The following PPP1R14C variants were observed in gnomAD, a reference collection of about 807,000 sequenced individuals.
The protein encoded by PPP1R14C is protein phosphatase 1 regulatory inhibitor subunit 14C, also known as protein phosphatase 1 regulatory subunit 14C.
Under a neutral mutation model 20.4 loss-of-function variants are expected in PPP1R14C, and 16 were observed. That is an observed-to-expected ratio of 0.78 (90% CI 0.53 to 1.19). PPP1R14C has a LOEUF of 1.19. Among genes scored for constraint, PPP1R14C ranks in the 50% most tolerant of loss-of-function variants. PPP1R14C has a pLI of 0.00. For synonymous variants in PPP1R14C, 91 were observed against 91.0 expected, an observed-to-expected ratio of 1.00 and a Z score of 0.00; for missense variants, 211 against 220.1, an observed-to-expected ratio of 0.96 and a Z score of 0.26.
rs1582890362 is a variant in PPP1R14C, at chr6:150,143,207, G to C, written c.15G>C (p.Thr5=). The change falls in exon 1 of 4, where the codon ACG becomes ACC. Residue 5 remains threonine, a synonymous_variant. Transcript: ENST00000361131. The surrounding 1 kb of genome is among the most constrained non-coding windows in gnomAD (Gnocchi z 5.6). MSVA[T]GSSETAGGAS... ...CGCGCGGGGACATGTCGGTGGCGAC[G>C]GGCAGCAGCGAGACGGCCGGCGGGG... The C allele has an allele frequency of 3.7e-6, 5 of 1,357,262 alleles. No homozygotes were observed. The South Asian group carries it at 7.2e-5, about 20-fold the overall frequency. The allele number at this position is 1,357,262 out of a possible 1,614,324, so 84.1% of individuals were successfully genotyped here. A position where few individuals can be genotyped will look rare whatever the true frequency, so the allele number is the denominator to read the frequency against.
At chr6:150,184,307 C>T (rs998306140) in intron 1 of PPP1R14C, among the ~76,000 whole-genome samples, 9 of 152,240 alleles carry the variant, frequency 5.9e-5, no homozygotes, top group Admixed American at 6.5e-5. Flanking sequence ...TGCTCCTAGG[C>T]GAGCCTAACT....
chr6:150,207,293 A>G (rs1777965447), intron 1 of PPP1R14C, among the ~76,000 whole-genome samples: 1 of 152,256 alleles, frequency 6.6e-6, no homozygotes, highest in East Asian at 1.9e-4. Flanking sequence ...TCCCACTGGA[A>G]AGGCATATGC....
At chr6:150,186,626 G>A (rs1214459500) in intron 1 of PPP1R14C, among the ~76,000 whole-genome samples, 2 of 152,290 alleles carry the variant, frequency 1.3e-5, no homozygotes, top group East Asian at 3.9e-4. Context: ...AAACATCATG[G>A]CGGCTCAGAG....
At chr6:150,186,367 G>C (rs1336432657) in intron 1 of PPP1R14C, among the ~76,000 whole-genome samples, 1 of 152,152 alleles carries the variant, frequency 6.6e-6, no homozygotes, top group Non-Finnish European at 1.5e-5. Context: ...GGGCCTCAGA[G>C]GGGAGTGTGT....
At chr6:150,171,333 T>C (rs1777496733) in intron 1 of PPP1R14C, among the ~76,000 whole-genome samples, 2 of 152,216 alleles carry the variant, frequency 1.3e-5, no homozygotes, top group South Asian at 4.1e-4. Context: ...AGCACACCAT[T>C]GTACATACCT....
intron 1 of PPP1R14C, among the ~76,000 whole-genome samples, chr6:150,176,803 G>A (rs887839897): frequency 2.6e-5 from 4 of 152,220 alleles, no homozygotes; most frequent in Admixed American, 1.3e-4. Flanking sequence ...AGGGCCTGAA[G>A]GAGTGGCTTC....
intron 3 of PPP1R14C, among the ~76,000 whole-genome samples, chr6:150,227,680 G>A (rs1232452795): frequency 6.6e-6 from 1 of 152,196 alleles, no homozygotes; most frequent in South Asian, 2.1e-4. Flanking sequence ...CTAGATTGGT[G>A]AGTTGAAAAG....
intron 1 of PPP1R14C, among the ~76,000 whole-genome samples, chr6:150,167,969 TCTCTCCTTCTCTCCTCCCCTCTTC>T (rs1777445029): frequency 7.9e-6 from 1 of 127,136 alleles, no homozygotes; most frequent in African/African-American, 3.4e-5. Context: ...CTCCCCTCTT[TCTCTCCTTCTCTCCTCCCCTCTTC>T]CTCTCCCCCT....
At chr6:150,170,386 G>C (rs139242221) in intron 1 of PPP1R14C, among the ~76,000 whole-genome samples, 157 of 150,922 alleles carry the variant, frequency 1.0e-3, no homozygotes, top group African/African-American at 3.7e-3. Flanking sequence ...GCAGTGGCGC[G>C]ATCTTGGCTC....
At chr6:150,245,160 A>G (rs951962083) in intron 3 of PPP1R14C, among the ~76,000 whole-genome samples, 2 of 152,110 alleles carry the variant, frequency 1.3e-5, no homozygotes, top group Non-Finnish European at 2.9e-5. Context: ...TCCAGCAGCA[A>G]GGTCTACTGG....
intron 1 of PPP1R14C, among the ~76,000 whole-genome samples, chr6:150,162,362 G>A (rs996438969): frequency 6.6e-6 from 1 of 152,090 alleles, no homozygotes; most frequent in Admixed American, 6.6e-5. Flanking sequence ...GCCAACCTCT[G>A]CCATTTCTTC....
chr6:150,182,137 A>AG (rs11408660), intron 1 of PPP1R14C, among the ~76,000 whole-genome samples: 87,988 of 152,004 alleles, frequency 0.58, 25,905 homozygotes, highest in African/African-American at 0.69. Context: ...ATGCATTTAT[A>AG]ATTTTCATGT....
chr6:150,196,007 G>A lies in PPP1R14C; in HGVS notation c.307-18737G>A, dbSNP rs576724654. The A allele has an allele frequency of 1.8e-5, 18 of 985,450 alleles. No homozygotes were observed. In the East Asian group the frequency reaches 1.9e-3, roughly 106 times the overall value. The allele number at this position is 985,450 out of a possible 1,614,324, so 61.0% of individuals were successfully genotyped here. ...GGTCGCTGTCTGGGCTGAAGAACCT[G>A]TCTCAGTGAGTGGGGGACTGGGATT... is the stretch of plus-strand genomic sequence containing the variant. On this transcript the variant is annotated intron_variant, in intron 1 of 3. Coordinates refer to ENST00000361131, the MANE Select transcript of PPP1R14C (RefSeq NM_030949.3).
In PPP1R14C at chr6:150,162,356, A is replaced by G. The variant is rs889433303; in HGVS notation, c.306+18858A>G. On this transcript the variant is annotated intron_variant, in intron 1 of 3. Coordinates refer to ENST00000361131, the MANE Select transcript of PPP1R14C (RefSeq NM_030949.3). Reference sequence around the variant, plus strand: ...AGGCGTGAGCCACCGTGCCAGGCCAACCTCTGCCATTTCTTCCTGAACCAC... The same window carrying G: ...AGGCGTGAGCCACCGTGCCAGGCCAGCCTCTGCCATTTCTTCCTGAACCAC... 2.0e-5 allele frequency among the ~76,000 whole-genome samples: 3 copies of G among 151,972 alleles called. No homozygotes were observed. In the East Asian group the frequency reaches 5.8e-4, roughly 29 times the overall value.
At chr6:150,167,495 G>A (rs970405530) in intron 1 of PPP1R14C, among the ~76,000 whole-genome samples, 2 of 152,180 alleles carry the variant, frequency 1.3e-5, no homozygotes, top group African/African-American at 4.8e-5. Context: ...TAGAGCTTCT[G>A]TGCTCTTACT....
At chr6:150,214,869 C>T (rs544329648) in intron 2 of PPP1R14C, 42 bp downstream of exon 2, 9 of 1,398,962 alleles carry the variant, frequency 6.4e-6, no homozygotes, top group Admixed American at 5.3e-5. Context: ...ATCATGGACA[C>T]TTGAGAGTCT....
chr6:150,195,041 C>T (rs914502109), intron 1 of PPP1R14C: 4 of 984,592 alleles, frequency 4.1e-6, no homozygotes, highest in Non-Finnish European at 3.6e-6. Flanking sequence ...CTAGTTATAG[C>T]CTTTTGAATA....
Position 150,214,742 on chromosome 6 carries a change from A to G in PPP1R14C, c.307-2A>G. On this transcript the variant is annotated splice_acceptor_variant, in intron 1 of 3. Coordinates refer to ENST00000361131, the MANE Select transcript of PPP1R14C (RefSeq NM_030949.3). LOFTEE classifies it high-confidence loss of function. ...CCTTCATATCCTCCCACTGCCCCCC[A>G]GGAAGAAGAAATGCCAGAGGTAGAA... 1 of 1,612,546 alleles carries G rather than the reference A, an allele frequency of 6.2e-7. No individual in the cohort carries two copies. Among genetic ancestry groups the G allele is most frequent in the East Asian group, 2.2e-5 (1 of 44,820 alleles).
At chr6:150,158,314 T>A (rs1255801284) in intron 1 of PPP1R14C, among the ~76,000 whole-genome samples, 1 of 152,200 alleles carries the variant, frequency 6.6e-6, no homozygotes, top group Non-Finnish European at 1.5e-5. Flanking sequence ...GATTTTTTTT[T>A]ATTATGGAAT....
Sources: allele counts gnomAD v4.1 joint callset (sites outside exome capture counted in the v4.1 genomes callset), GRCh38; gene constraint gnomAD v4.1.1; non-coding constraint Gnocchi (gnomAD v3.1); transcripts MANE v1.5; gene names NCBI Gene and HGNC (gene_info 2026-07-23, HGNC 2026-07-21).